RPS6KA6: variants seen among roughly 807,000 people sequenced by gnomAD.
The protein encoded by RPS6KA6 is ribosomal protein S6 kinase alpha-6.
A neutral mutation model predicts 65.4 loss-of-function variants in RPS6KA6; 27 were observed. That is an observed-to-expected ratio of 0.41 (90% CI 0.30 to 0.57). The LOEUF (loss-of-function observed/expected upper bound fraction) is 0.57. Ranked by LOEUF, RPS6KA6 falls within the 20% of genes least tolerant of loss-of-function variation. The pLI is 0.24. For synonymous variants in RPS6KA6, 190 were observed against 184.2 expected, an observed-to-expected ratio of 1.03 and a Z score of -0.26; for missense variants, 486 against 555.6, an observed-to-expected ratio of 0.87 and a Z score of 1.26.
intron 2 of RPS6KA6, 109 bp downstream of exon 2, chrX:84,164,219 T>G (rs993124468): frequency 1.7e-6 from 1 of 583,563 alleles, no homozygotes; most frequent in Admixed American, 3.4e-5. Context: ...ATTTGCTTAT[T>G]ACCAACTTAC....
At chrX:84,111,958 T>C (rs1278696123) in intron 12 of RPS6KA6, among the ~76,000 whole-genome samples, 1 of 111,004 alleles carries the variant, frequency 9.0e-6, no homozygotes, top group African/African-American at 3.3e-5. Flanking sequence ...GCTAAGCACA[T>C]CTACAGACTT....
chrX:84,081,532 A>G (rs2033800076), intron 20 of RPS6KA6, among the ~76,000 whole-genome samples: 1 of 112,021 alleles, frequency 8.9e-6, no homozygotes, highest in African/African-American at 3.2e-5. Context: ...AACTTCTACC[A>G]GAGATGCAAA....
chrX:84,109,337 G>A (rs374183074), intron 12 of RPS6KA6, among the ~76,000 whole-genome samples: 37 of 110,867 alleles, frequency 3.3e-4, no homozygotes, highest in Admixed American at 6.7e-4. Context: ...TTGGGACTTC[G>A]ACCACATAAG....
intron 1 of RPS6KA6, among the ~76,000 whole-genome samples, chrX:84,171,957 T>C (rs944816432): frequency 3.6e-5 from 4 of 111,311 alleles, no homozygotes; most frequent in African/African-American, 1.3e-4. Flanking sequence ...CCTGTGTTAG[T>C]TTGCTAAGGA....
chrX:84,136,074 T>C (rs971561269), intron 6 of RPS6KA6, among the ~76,000 whole-genome samples: 3 of 111,721 alleles, frequency 2.7e-5, no homozygotes, highest in Non-Finnish European at 5.7e-5. Context: ...ACTATATATA[T>C]AACCATATGG....
chrX:84,171,213 C>G (rs2035677858), intron 1 of RPS6KA6, among the ~76,000 whole-genome samples: 1 of 111,034 alleles, frequency 9.0e-6, no homozygotes, highest in Non-Finnish European at 1.9e-5. Context: ...ACCAAGCTGA[C>G]CCATGTGTTG....
intron 18 of RPS6KA6, among the ~76,000 whole-genome samples, chrX:84,100,134 G>A (rs187860758): frequency 9.1e-6 from 1 of 110,472 alleles, no homozygotes; most frequent in East Asian, 2.8e-4. Flanking sequence ...TCCTAGCATG[G>A]GCTTCATCAC....
chrX:84,171,847 G>A (rs1051738388), intron 1 of RPS6KA6, among the ~76,000 whole-genome samples: 12 of 109,880 alleles, frequency 1.1e-4, no homozygotes, highest in African/African-American at 4.0e-4. Context: ...GCCAACCCCC[G>A]ACATACCCCA....
intron 6 of RPS6KA6, among the ~76,000 whole-genome samples, chrX:84,140,585 G>T (rs1040057285): frequency 1.6e-4 from 17 of 106,932 alleles, no homozygotes; most frequent in Non-Finnish European, 2.3e-4. Flanking sequence ...AAAAATACAA[G>T]AATTAGCCGG....
intron 4 of RPS6KA6, 31 bp from the exon 5 acceptor site, chrX:84,147,089 C>T (rs370727285): frequency 2.5e-6 from 2 of 803,756 alleles, no homozygotes; most frequent in Non-Finnish European, 3.7e-6. Context: ...CAATATATTG[C>T]TCTCTTACAT....
chrX:84,100,685 G>T (rs1381867405), intron 18 of RPS6KA6, among the ~76,000 whole-genome samples: 1 of 110,599 alleles, frequency 9.0e-6, no homozygotes, highest in Non-Finnish European at 1.9e-5. Flanking sequence ...CCACTGAAAT[G>T]TCCTAAAAAG....
intron 10 of RPS6KA6, 63 bp downstream of exon 10, chrX:84,117,320 AT>A (rs2034587255): frequency 3.8e-6 from 3 of 796,366 alleles, no homozygotes; most frequent in Non-Finnish European, 5.3e-6. Context: ...AACCGCAATA[AT>A]TTTTTCAAAA....
At chrX:84,144,648 G>C (rs1052905850) in intron 6 of RPS6KA6, among the ~76,000 whole-genome samples, 4 of 110,732 alleles carry the variant, frequency 3.6e-5, no homozygotes, top group African/African-American at 1.3e-4. Flanking sequence ...CATATACCTA[G>C]CACATGACCC....
chrX:84,086,676 G>C (rs996249686), intron 20 of RPS6KA6, among the ~76,000 whole-genome samples: 1 of 110,995 alleles, frequency 9.0e-6, no homozygotes, highest in Non-Finnish European at 1.9e-5. Flanking sequence ...ATACCTATCA[G>C]GTCCTCTTGA....
intron 20 of RPS6KA6, among the ~76,000 whole-genome samples, chrX:84,078,931 T>C: frequency 9.0e-6 from 1 of 111,456 alleles, no homozygotes; most frequent in East Asian, 2.8e-4. Context: ...TATACATGCA[T>C]TTCATTTGTT....
intron 20 of RPS6KA6, among the ~76,000 whole-genome samples, chrX:84,087,714 T>A (rs751568591): frequency 2.7e-5 from 3 of 111,944 alleles, no homozygotes; most frequent in Non-Finnish European, 3.8e-5. Context: ...TCTTGCTAGG[T>A]TGGGGAAGTT....
intron 20 of RPS6KA6, among the ~76,000 whole-genome samples, 162 bp downstream of exon 20, chrX:84,096,030 CAA>C (rs1437673594): frequency 9.0e-6 from 1 of 111,559 alleles, no homozygotes; most frequent in Non-Finnish European, 1.9e-5. Context: ...ATGGTAAAAC[CAA>C]AAGTTATCCT....
chrX:84,170,185 AAG>A (rs1438508381), intron 1 of RPS6KA6, among the ~76,000 whole-genome samples: 9 of 108,930 alleles, frequency 8.3e-5, no homozygotes, highest in African/African-American at 2.7e-4. Flanking sequence ...AAAAAAAAAA[AAG>A]AAAATATGTC....
chrX:84,064,123 G>T lies in RPS6KA6; in HGVS notation c.*154C>A. ...GTATGAATATTGTGGACCTGTGAATGGTTTTTTAAATCTCACTTCCCCTAA... is the reference window on the plus strand; with the variant it reads ...GTATGAATATTGTGGACCTGTGAATTGTTTTTTAAATCTCACTTCCCCTAA... On this transcript the variant is annotated 3_prime_UTR_variant, in exon 22 of 22. Transcript: ENST00000262752. The T allele has an allele frequency of 1.7e-6, 1 of 586,685 alleles. No individual in the cohort carries two copies. 48.3% of individuals were successfully genotyped at this position (586,685 alleles called of 1,213,427 possible). A position where few individuals can be genotyped will look rare whatever the true frequency, so the allele number is the denominator to read the frequency against.
Sources: allele counts gnomAD v4.1 joint callset (sites outside exome capture counted in the v4.1 genomes callset), GRCh38; gene constraint gnomAD v4.1.1; transcripts MANE v1.5; gene names NCBI Gene and HGNC (gene_info 2026-07-23, HGNC 2026-07-21).